The following SPATA13 variants were observed in gnomAD, a reference collection of about 807,000 sequenced individuals.
The protein encoded by SPATA13 is spermatogenesis associated 13.
In SPATA13, 50 loss-of-function variants were observed where a neutral mutation model predicts 104.0. The observed-to-expected ratio is 0.48, with a 90% confidence interval of 0.38 to 0.61. The LOEUF is 0.61. Among genes scored for constraint, SPATA13 ranks in the 20% least tolerant of loss-of-function variants. The probability of loss-of-function intolerance (pLI) is 0.00; values close to 1 mark genes in which losing one functional copy is unlikely to be tolerated. For missense variants in SPATA13, 1,524 were observed against 1,690.6 expected (o/e 0.90, Z 1.73); for synonymous variants, 606 against 667.5 (o/e 0.91, Z 1.42).
At position 24,249,663 on chromosome 13, in the gene SPATA13, A is replaced by C. The variant is rs752704845; in HGVS notation, c.1840A>C (p.Lys614Gln). ...AGACTCGGTTGCTGCAGACCCCCAG[A>C]AGGAAGACCGTGTGGACGAGGACCC... Reference protein sequence around the residue: ...PEDSVAADPQKEDRVDEDPQA... With the variant: ...PEDSVAADPQQEDRVDEDPQA... Residue 614 changes from lysine to glutamine, a missense_variant, in exon 3 of 13, where the codon AAG (lysine) becomes CAG (glutamine). This residue lies in a region of SPATA13 where 1,089 missense variants were observed against 1,135.9 expected (regional missense o/e 0.96). Coordinates refer to ENST00000382108, the MANE Select transcript of SPATA13 (RefSeq NM_001166271.3). 4 of 1,614,194 alleles carry C rather than the reference A, an allele frequency of 2.5e-6. No individual in the cohort carries two copies. The highest frequency in any genetic ancestry group is 3.4e-6 in the Non-Finnish European group (4 of 1,180,030).
At chr13:24,122,133 A>G (rs1881049469) in intron 3 of SPATA13, 1 of 1,612,084 alleles carries the variant, frequency 6.2e-7, no homozygotes. Flanking sequence ...CTGAATTTGT[A>G]TCCTCCATGC....
At chr13:24,109,659 T>G (rs1198244960) in intron 3 of SPATA13, among the ~76,000 whole-genome samples, 1 of 152,126 alleles carries the variant, frequency 6.6e-6, no homozygotes, top group Non-Finnish European at 1.5e-5. Flanking sequence ...GAATCAGAAC[T>G]AGAACCTACG....
At chr13:24,132,161 C>T (rs1881407488) in intron 3 of SPATA13, among the ~76,000 whole-genome samples, 1 of 152,212 alleles carries the variant, frequency 6.6e-6, no homozygotes, top group East Asian at 1.9e-4. Context: ...TAGGAACCAT[C>T]TTAATGCTAC....
intron 3 of SPATA13, among the ~76,000 whole-genome samples, chr13:24,147,986 C>G (rs1261858681): frequency 6.6e-6 from 1 of 152,020 alleles, no homozygotes; most frequent in Non-Finnish European, 1.5e-5. Context: ...TTTTTTAATC[C>G]ATTCATCCAC....
At chr13:24,031,661 G>A (rs10507336) in intron 3 of SPATA13, among the ~76,000 whole-genome samples, 19,485 of 152,244 alleles carry the variant, frequency 0.13, 1,756 homozygotes, top group East Asian at 0.52. Flanking sequence ...AGGCACTGTA[G>A]ATGCAAAAAT....
At chr13:24,168,482 A>G (rs562582948) in intron 1 of SPATA13, among the ~76,000 whole-genome samples, 1 of 152,336 alleles carries the variant, frequency 6.6e-6, no homozygotes, top group Non-Finnish European at 1.5e-5. Flanking sequence ...TTTGTTGCAA[A>G]TGGAAAGAAT....
rs374662974 is a variant in SPATA13, at chr13:24,181,761, CT to C, written c.-112+20842del. ...CTGCCTGAGGCTGTTTTACAGTTGA[CT>C]TTTTTTTTTTTTGTTAAAGTAAGTA... On this transcript the variant is annotated intron_variant, in intron 1 of 12. Transcript: ENST00000382108. 1.7e-4 allele frequency among the ~76,000 whole-genome samples: 25 copies of C among 145,024 alleles called. No homozygotes were observed. The South Asian group carries it at 2.8e-3, about 16-fold the overall frequency.
chr13:24,037,670 A>C (rs2137724234), intron 3 of SPATA13, among the ~76,000 whole-genome samples: 1 of 152,090 alleles, frequency 6.6e-6, no homozygotes, highest in African/African-American at 2.4e-5. Flanking sequence ...GGCCTTCCAA[A>C]GAGCTGAGAT....
intron 3 of SPATA13, among the ~76,000 whole-genome samples, chr13:24,072,529 T>C (rs989914624): frequency 5.9e-5 from 9 of 152,212 alleles, no homozygotes; most frequent in Admixed American, 2.0e-4. Context: ...ATGAGCCTCC[T>C]GACACGGTTG....
intron 2 of SPATA13, among the ~76,000 whole-genome samples, chr13:24,010,097 C>T (rs967081713): frequency 5.9e-5 from 9 of 152,136 alleles, no homozygotes; most frequent in African/African-American, 1.9e-4. Context: ...GGTGGGACCA[C>T]TCGAAGTGGG....
At chr13:24,236,456 G>A (rs1464146872) in intron 2 of SPATA13, among the ~76,000 whole-genome samples, 2 of 151,928 alleles carry the variant, frequency 1.3e-5, no homozygotes, top group African/African-American at 4.8e-5. Flanking sequence ...TTAGCTGGGC[G>A]TGGTGGCACG....
chr13:24,257,389 T>C (rs1873843184), intron 4 of SPATA13, among the ~76,000 whole-genome samples: 1 of 152,222 alleles, frequency 6.6e-6, no homozygotes, highest in African/African-American at 2.4e-5. Context: ...TTACATTTCT[T>C]GAAAGCCCTT....
chr13:24,076,167 A>ATT (rs1214903049), intron 3 of SPATA13, among the ~76,000 whole-genome samples: 4 of 152,314 alleles, frequency 2.6e-5, no homozygotes, highest in African/African-American at 9.6e-5. Context: ...GTTCTTAGAA[A>ATT]TTCTTGAGGA....
intron 2 of SPATA13, among the ~76,000 whole-genome samples, chr13:24,240,411 A>T (rs572464337): frequency 6.6e-6 from 1 of 152,134 alleles, no homozygotes; most frequent in South Asian, 2.1e-4. Context: ...ATTATCATGA[A>T]GGCTAAGGGG....
intron 3 of SPATA13, among the ~76,000 whole-genome samples, chr13:24,126,011 T>G (rs1593346222): frequency 6.6e-6 from 1 of 151,778 alleles, no homozygotes; most frequent in African/African-American, 2.4e-5. Flanking sequence ...CTTGGGGAGG[T>G]ACGAATAGAG....
chr13:24,117,851 TTAA>T (rs1880902297), intron 3 of SPATA13, among the ~76,000 whole-genome samples: 1 of 152,330 alleles, frequency 6.6e-6, no homozygotes, highest in South Asian at 2.1e-4. Context: ...TTTATATTCT[TTAA>T]TAGTACCAGT....
At chr13:24,287,636 G>A (rs190210586) in intron 7 of SPATA13, among the ~76,000 whole-genome samples, 2 of 152,320 alleles carry the variant, frequency 1.3e-5, no homozygotes, top group Admixed American at 1.3e-4. Context: ...ATGAGATCCT[G>A]AGTCATTTAG....
In SPATA13 at chr13:24,222,904, C is replaced by A; in HGVS notation, c.-26C>A. 1 of 1,550,204 alleles carries A rather than the reference C, an allele frequency of 6.5e-7. No homozygotes were observed. On this transcript the variant is annotated 5_prime_UTR_variant, in exon 2 of 13. In the 5' UTR this introduces an upstream ATG that the reference lacks. Transcript: ENST00000382108. The stretch of plus-strand genomic sequence containing the variant: ...GGAGATGAAGGCCTGGAGCTGCGGT[C>A]TGCGGACTCGGCAGTGCCCGTGGCC...
At chr13:24,249,351 T>C in intron 2 of SPATA13, 126 bp from the exon 3 acceptor site, 2 of 1,220,272 alleles carry the variant, frequency 1.6e-6, no homozygotes, top group Non-Finnish European at 2.2e-6. Context: ...AAATAACTGT[T>C]TTAATAAACA....
Sources: allele counts gnomAD v4.1 joint callset (sites outside exome capture counted in the v4.1 genomes callset), GRCh38; gene constraint gnomAD v4.1.1; regional missense constraint gnomAD v4.1.1; transcripts MANE v1.5; gene names NCBI Gene and HGNC (gene_info 2026-07-23, HGNC 2026-07-21).